ARHGEF3: variants seen among roughly 807,000 people sequenced by gnomAD.
ARHGEF3 encodes 59.8 kDA protein.
Under a neutral mutation model 63.2 loss-of-function variants are expected in ARHGEF3, and 28 were observed. The observed-to-expected ratio is 0.44, with a 90% CI of 0.33 to 0.61. The LOEUF is 0.61. Among genes scored for constraint, ARHGEF3 ranks in the 20% least tolerant of loss-of-function variants. The pLI, the probability that ARHGEF3 is intolerant of heterozygous loss-of-function variation, is 0.03. For missense variants in ARHGEF3, 533 were observed against 659.3 expected (o/e 0.81, Z 2.10); for synonymous variants, 266 against 254.2 (o/e 1.05, Z -0.44).
At chr3:56,902,208 A>G (rs1030306884) in intron 3 of ARHGEF3, among the ~76,000 whole-genome samples, 1 of 152,158 alleles carries the variant, frequency 6.6e-6, no homozygotes, top group Non-Finnish European at 1.5e-5. Context: ...GCTGCTCTGC[A>G]TGTGTCTGTG....
chr3:56,923,072 AT>A (rs1344200170), intron 3 of ARHGEF3, among the ~76,000 whole-genome samples: 36 of 89,000 alleles, frequency 4.0e-4, no homozygotes, highest in African/African-American at 6.0e-4. Context: ...ATATATATAT[AT>A]ATAAATTAGT....
intron 2 of ARHGEF3, among the ~76,000 whole-genome samples, chr3:56,996,450 G>A (rs1254741687): frequency 4.6e-5 from 7 of 152,144 alleles, no homozygotes; most frequent in African/African-American, 1.7e-4. Context: ...GAGGAGGTAG[G>A]GCCTCTGGAA....
chr3:57,002,551 TTATA>T lies in ARHGEF3; in HGVS notation c.62+32533_62+32536del, dbSNP rs146135938. On this transcript the variant is annotated intron_variant, in intron 2 of 12. Coordinates refer to the ARHGEF3 transcript ENST00000338458. ...TGTTATATATGTAATATATGTTATGTTATATATATGTTATATGTATGTTATATGT... is the reference window on the plus strand; with the variant it reads ...TGTTATATATGTAATATATGTTATGTTATATGTTATATGTATGTTATATGT... Among the ~76,000 whole-genome samples the T allele has an allele frequency of 2.9e-5, 3 of 104,484 alleles. No homozygotes were observed. In the East Asian group the frequency reaches 7.6e-4, roughly 26 times the overall value. 68.5% of individuals were successfully genotyped at this position (104,484 alleles called of 152,430 possible).
At position 56,835,337 on chromosome 3, in the gene ARHGEF3, G is replaced by A. The variant is rs544961786; in HGVS notation, c.192+46955C>T. 2.8e-3 allele frequency among the ~76,000 whole-genome samples: 432 copies of A among 151,708 alleles called. 2 individuals are homozygous for A. The highest frequency in any genetic ancestry group is 0.01 in the African/African-American group (415 of 41,318). On this transcript the variant is annotated intron_variant, in intron 4 of 12. Transcript: ENST00000338458. Reference sequence around the variant, plus strand: ...ATTACAGGCACGTACCACCATGCCCGGCTAATTTTTGTATTTTTAGTAGAG... The same window carrying A: ...ATTACAGGCACGTACCACCATGCCCAGCTAATTTTTGTATTTTTAGTAGAG...
intron 3 of ARHGEF3, among the ~76,000 whole-genome samples, chr3:56,906,099 G>A (rs1271660838): frequency 6.6e-6 from 1 of 151,886 alleles, no homozygotes; most frequent in Non-Finnish European, 1.5e-5. Context: ...TCCTGATCTC[G>A]TGCTCTGCCC....
At chr3:56,865,881 C>T (rs754046870) in intron 4 of ARHGEF3, among the ~76,000 whole-genome samples, 4 of 152,140 alleles carry the variant, frequency 2.6e-5, no homozygotes, top group Non-Finnish European at 2.9e-5. Flanking sequence ...ATAACCCACC[C>T]AGGCTATGGT....
chr3:57,038,304 A>G (rs1305305195), intron 1 of ARHGEF3, among the ~76,000 whole-genome samples: 1 of 152,312 alleles, frequency 6.6e-6, no homozygotes, highest in East Asian at 1.9e-4. Flanking sequence ...TAGTGTCTCA[A>G]TGAGGCCCCG....
intron 2 of ARHGEF3, among the ~76,000 whole-genome samples, chr3:56,761,454 T>A (rs1266719983): frequency 6.6e-6 from 1 of 152,104 alleles, no homozygotes; most frequent in African/African-American, 2.4e-5. Context: ...TTTTTTTTTA[T>A]ATTCAACATG....
At chr3:56,789,667 CATG>C (rs1282220897) in intron 1 of ARHGEF3, among the ~76,000 whole-genome samples, 2 of 152,296 alleles carry the variant, frequency 1.3e-5, no homozygotes, top group African/African-American at 2.4e-5. Flanking sequence ...TCTGTATTGC[CATG>C]ATAATTTTTT....
chr3:56,957,839 T>G (rs1305923333), intron 3 of ARHGEF3, among the ~76,000 whole-genome samples: 1 of 152,174 alleles, frequency 6.6e-6, no homozygotes, highest in Admixed American at 6.5e-5. Flanking sequence ...GCTCAGAGCA[T>G]TCTCTACAGA....
chr3:57,029,671 C>A (rs1169880383), intron 2 of ARHGEF3, among the ~76,000 whole-genome samples: 1 of 152,148 alleles, frequency 6.6e-6, no homozygotes, highest in Admixed American at 6.5e-5. Flanking sequence ...AATTTGACAA[C>A]AAACCCCACT....
At chr3:56,827,930 A>AG (rs2038789317) in intron 4 of ARHGEF3, among the ~76,000 whole-genome samples, 1 of 105,258 alleles carries the variant, frequency 9.5e-6, no homozygotes, top group Non-Finnish European at 1.8e-5. Context: ...GGGTGACAAC[A>AG]TGAGATTCTG....
intron 4 of ARHGEF3, among the ~76,000 whole-genome samples, chr3:56,827,944 C>CA (rs11462683): frequency 0.74 from 24,923 of 33,828 alleles, 10,151 homozygotes; most frequent in South Asian, 0.87. Context: ...GATTCTGTCT[C>CA]AAAAAAAAAA....
intron 2 of ARHGEF3, among the ~76,000 whole-genome samples, chr3:56,962,478 G>A (rs1700322546): frequency 6.6e-6 from 1 of 152,180 alleles, no homozygotes; most frequent in African/African-American, 2.4e-5. Context: ...GGCTGTGCAT[G>A]GTGTACACAC....
At chr3:56,765,059 A>T (rs1476696993) in intron 2 of ARHGEF3, among the ~76,000 whole-genome samples, 1 of 152,118 alleles carries the variant, frequency 6.6e-6, no homozygotes, top group Non-Finnish European at 1.5e-5. Context: ...ACCCGGCCCA[A>T]TATCAACTAT....
rs2041195530 is a variant in ARHGEF3 at position 56,893,633 on chromosome 3, C to T, written c.130-11279G>A. ...CCAGCCTGACCAACATGGTGAAACCCCGTCTCTACTAAAAATACAAAAATT... is the reference window on the plus strand; with the variant it reads ...CCAGCCTGACCAACATGGTGAAACCTCGTCTCTACTAAAAATACAAAAATT... On this transcript the variant is annotated intron_variant, in intron 3 of 12. Coordinates refer to the ARHGEF3 transcript ENST00000338458. 1.3e-5 allele frequency among the ~76,000 whole-genome samples: 2 copies of T among 151,954 alleles called. 1 individual carries two copies. Among genetic ancestry groups the T allele is most frequent in the South Asian group, 4.2e-4 (2 of 4,810 alleles).
chr3:56,912,945 C>G (rs2041891053), intron 3 of ARHGEF3, among the ~76,000 whole-genome samples: 1 of 152,068 alleles, frequency 6.6e-6, no homozygotes, highest in East Asian at 1.9e-4. Flanking sequence ...CAAGACGAGC[C>G]TGGGCAACAT....
Position 56,732,152 on chromosome 3 carries a change from C to T in ARHGEF3, c.1228+86G>A. On this transcript the variant is annotated intron_variant, in intron 9 of 9. Coordinates refer to ENST00000296315, the MANE Select transcript of ARHGEF3 (RefSeq NM_019555.3). The stretch of plus-strand genomic sequence containing the variant: ...ATGCAGTTTGACTTCAAGACCGTGG[C>T]TTTTCTCTTTCCACCAGCTGCCCAC... The T allele has an allele frequency of 2.0e-6, 3 of 1,511,744 alleles. No individual in the cohort carries two copies. In the Admixed American group the frequency reaches 5.7e-5, roughly 29 times the overall value. The allele number at this position is 1,511,744 out of a possible 1,614,324, so 93.6% of individuals were successfully genotyped here. A position where few individuals can be genotyped will look rare whatever the true frequency, so the allele number is the denominator to read the frequency against.
At chr3:56,880,037 C>A (rs1500710) in intron 4 of ARHGEF3, among the ~76,000 whole-genome samples, 80,357 of 152,054 alleles carry the variant, frequency 0.53, 22,431 homozygotes, top group East Asian at 0.62. Flanking sequence ...TAATGGTCAG[C>A]GGAATCTGCA....
Sources: allele counts gnomAD v4.1 joint callset (sites outside exome capture counted in the v4.1 genomes callset), GRCh38; gene constraint gnomAD v4.1.1; transcripts MANE v1.5; gene names NCBI Gene and HGNC (gene_info 2026-07-23, HGNC 2026-07-21).